TAFA2: variants seen among roughly 807,000 people sequenced by gnomAD.
TAFA2 encodes TAFA chemokine like family member 2.
TAFA2 carries 7 observed loss-of-function variants against 18.8 expected under a neutral mutation model. The ratio of observed to expected loss-of-function variants is 0.37; its 90% confidence interval spans 0.21 to 0.70. TAFA2 has a LOEUF of 0.70. TAFA2 is among the 30% of genes least tolerant of loss of function. The pLI is 0.53. For missense variants in TAFA2, 122 were observed against 158.1 expected (o/e 0.77, Z 1.23); for synonymous variants, 60 against 54.2 (o/e 1.11, Z -0.47).
At chr12:61,776,010 C>T (rs1187598469) in intron 2 of TAFA2, 4 of 345,428 alleles carry the variant, frequency 1.2e-5, no homozygotes, top group Non-Finnish European at 2.2e-5. Context: ...TTTGACCACA[C>T]ACATGCGAAT....
chr12:61,922,271 T>A (rs760833033), intron 1 of TAFA2, among the ~76,000 whole-genome samples: 1 of 152,096 alleles, frequency 6.6e-6, no homozygotes, highest in African/African-American at 2.4e-5. Flanking sequence ...ACTGAAGTTA[T>A]CTCCTCGGGG....
intron 1 of TAFA2, among the ~76,000 whole-genome samples, chr12:62,097,338 C>T (rs1252273052): frequency 6.6e-6 from 1 of 151,958 alleles, no homozygotes; most frequent in Admixed American, 6.6e-5. Context: ...TAAGGCCTAA[C>T]AGATAAATAG....
At chr12:61,746,020 C>T (rs911473795) in intron 4 of TAFA2, among the ~76,000 whole-genome samples, 2 of 151,714 alleles carry the variant, frequency 1.3e-5, no homozygotes, top group Non-Finnish European at 2.9e-5. Flanking sequence ...GCCAGAGAGC[C>T]TCCTGATGAT....
At chr12:61,763,610 C>T (rs1291882538) in intron 2 of TAFA2, among the ~76,000 whole-genome samples, 4 of 151,870 alleles carry the variant, frequency 2.6e-5, no homozygotes, top group Non-Finnish European at 4.4e-5. Context: ...CCACTGAAAT[C>T]CATCTCTTCA....
intron 4 of TAFA2, among the ~76,000 whole-genome samples, chr12:61,723,527 T>C (rs763246236): frequency 4.6e-5 from 7 of 152,122 alleles, no homozygotes; most frequent in Non-Finnish European, 7.4e-5. Context: ...TCCTCAATCT[T>C]TAATTTTTCT....
chr12:61,871,908 C>T (rs1011101009), intron 1 of TAFA2, among the ~76,000 whole-genome samples: 1 of 152,042 alleles, frequency 6.6e-6, no homozygotes, highest in Non-Finnish European at 1.5e-5. Flanking sequence ...CTGGCTAACA[C>T]AGTGAAACCC....
At chr12:61,725,855 G>A (rs1432037940) in intron 4 of TAFA2, among the ~76,000 whole-genome samples, 1 of 152,052 alleles carries the variant, frequency 6.6e-6, no homozygotes, top group Non-Finnish European at 1.5e-5. Flanking sequence ...ACTTATCAGT[G>A]AAAGCTAAGC....
At chr12:62,250,053 A>G (rs954749877) in intron 1 of TAFA2, among the ~76,000 whole-genome samples, 4 of 152,212 alleles carry the variant, frequency 2.6e-5, no homozygotes, top group African/African-American at 7.2e-5. Context: ...GATGTCTGTA[A>G]AAGTTCAAGA....
At chr12:61,927,396 G>C (rs1315562594) in intron 1 of TAFA2, among the ~76,000 whole-genome samples, 1 of 152,120 alleles carries the variant, frequency 6.6e-6, no homozygotes, top group Non-Finnish European at 1.5e-5. Flanking sequence ...CAAATCATGA[G>C]TAAACTGCCA....
chr12:61,819,998 G>A lies in TAFA2; in HGVS notation c.106+47322C>T, dbSNP rs574947106. On this transcript the variant is annotated intron_variant, in intron 2 of 4. Coordinates refer to ENST00000416284, the MANE Select transcript of TAFA2 (RefSeq NM_178539.5). ...TTTTAGTCTCTAAATTTTGTTAAAC[G>A]TTTAGCTGATCTTGAAAGGAGCCAC... 1.8e-4 allele frequency among the ~76,000 whole-genome samples: 27 copies of A among 152,074 alleles called. No individual in the cohort carries two copies. In the East Asian group the frequency reaches 3.7e-3, roughly 21 times the overall value.
intron 2 of TAFA2, among the ~76,000 whole-genome samples, chr12:61,857,064 A>G (rs1873914792): frequency 6.6e-6 from 1 of 151,850 alleles, no homozygotes; most frequent in African/African-American, 2.4e-5. Context: ...ATTTTTCTAT[A>G]TTTTTCAATT....
At chr12:61,821,861 T>C (rs1160449413) in intron 2 of TAFA2, among the ~76,000 whole-genome samples, 3 of 152,280 alleles carry the variant, frequency 2.0e-5, no homozygotes, top group Admixed American at 2.0e-4. Context: ...GTAGAGTTTT[T>C]AGTTTATAAG....
chr12:61,945,861 C>T (rs1101064), intron 1 of TAFA2, among the ~76,000 whole-genome samples: 5,392 of 148,824 alleles, frequency 0.036, 168 homozygotes, highest in African/African-American at 0.091. Flanking sequence ...GAATCAATAT[C>T]GTGAAAATGG....
At chr12:62,211,440 C>A (rs1055777880) in intron 1 of TAFA2, among the ~76,000 whole-genome samples, 1 of 151,870 alleles carries the variant, frequency 6.6e-6, no homozygotes, top group African/African-American at 2.4e-5. Flanking sequence ...ATTAGCTGGG[C>A]GTGGTGGTGC....
chr12:61,735,182 G>A (rs1271992981), intron 4 of TAFA2, among the ~76,000 whole-genome samples: 5 of 151,980 alleles, frequency 3.3e-5, no homozygotes, highest in African/African-American at 1.2e-4. Flanking sequence ...TTTATAATTA[G>A]AAAATATCCT....
At chr12:61,884,830 A>T (rs1489957991) in intron 1 of TAFA2, among the ~76,000 whole-genome samples, 1 of 152,212 alleles carries the variant, frequency 6.6e-6, no homozygotes, top group Middle Eastern at 3.2e-3. Flanking sequence ...AAAAGAAAAA[A>T]GAAGCTAAAA....
intron 1 of TAFA2, among the ~76,000 whole-genome samples, chr12:61,884,720 C>A (rs569394691): frequency 6.6e-6 from 1 of 152,216 alleles, no homozygotes; most frequent in South Asian, 2.1e-4. Context: ...AAAATATGTT[C>A]TCTAGGCTAC....
intron 1 of TAFA2, among the ~76,000 whole-genome samples, chr12:62,251,524 G>A (rs1279316338): frequency 6.6e-6 from 1 of 152,178 alleles, no homozygotes; most frequent in African/African-American, 2.4e-5. Flanking sequence ...CAAGGGTGTG[G>A]TGCAGGCCCA....
At chr12:62,164,796 G>A (rs1228895759) in intron 1 of TAFA2, among the ~76,000 whole-genome samples, 1 of 152,052 alleles carries the variant, frequency 6.6e-6, no homozygotes, top group East Asian at 1.9e-4. Flanking sequence ...AAAGGACATT[G>A]AGGATCACAT....
Sources: allele counts gnomAD v4.1 joint callset (sites outside exome capture counted in the v4.1 genomes callset), GRCh38; gene constraint gnomAD v4.1.1; transcripts MANE v1.5; gene names NCBI Gene and HGNC (gene_info 2026-07-23, HGNC 2026-07-21).